KCNH1: variants seen among roughly 807,000 people sequenced by gnomAD.
KCNH1 encodes potassium voltage-gated channel subfamily H member 1.
In KCNH1, 27 loss-of-function variants were observed where a neutral mutation model predicts 69.2. The observed-to-expected ratio is 0.39, with a 90% CI of 0.29 to 0.54. KCNH1 has a LOEUF of 0.54. KCNH1 is among the 20% of genes least tolerant of loss of function. KCNH1 has a pLI of 0.68. For synonymous variants in KCNH1, 456 were observed against 487.7 expected, an observed-to-expected ratio of 0.93 and a Z score of 0.86; for missense variants, 798 against 1,261.6, an observed-to-expected ratio of 0.63 and a Z score of 5.57.
intron 6 of KCNH1, among the ~76,000 whole-genome samples, chr1:210,922,422 C>A (rs1687482592): frequency 1.7e-5 from 2 of 114,692 alleles, no homozygotes; most frequent in Non-Finnish European, 3.8e-5. Flanking sequence ...AAAAAAAAAA[C>A]CTGACAAGTT....
intron 5 of KCNH1, among the ~76,000 whole-genome samples, chr1:211,055,187 C>T (rs1286126795): frequency 6.6e-6 from 1 of 152,126 alleles, no homozygotes; most frequent in Non-Finnish European, 1.5e-5. Flanking sequence ...CTGTAAATTG[C>T]CTATACCACC....
intron 1 of KCNH1, among the ~76,000 whole-genome samples, chr1:211,123,043 T>C (rs1403940602): frequency 6.6e-6 from 1 of 152,196 alleles, no homozygotes; most frequent in East Asian, 1.9e-4. Context: ...AACAGCTTTG[T>C]TTAATACAAC....
chr1:210,773,583 C>T (rs561149061), intron 10 of KCNH1, among the ~76,000 whole-genome samples: 1 of 152,288 alleles, frequency 6.6e-6, no homozygotes, highest in East Asian at 1.9e-4. Flanking sequence ...AGGGTTGTTT[C>T]CTTTCTCCAG....
intron 5 of KCNH1, among the ~76,000 whole-genome samples, chr1:211,055,941 G>A (rs1690296017): frequency 6.6e-6 from 1 of 152,204 alleles, no homozygotes; most frequent in Non-Finnish European, 1.5e-5. Flanking sequence ...CCAGGCCTTG[G>A]GTAAGAGTCA....
Position 211,079,405 on chromosome 1 carries a change from C to G in KCNH1, c.558+3375G>C, listed in dbSNP as rs148466114. On this transcript the variant is annotated intron_variant, in intron 5 of 10. Transcript: ENST00000271751. ...CCAGAGCTACAAAGAGGAGCTGGTA[C>G]CATTCCTTCTGAAACTATTCCAATC... 8.1e-3 allele frequency among the ~76,000 whole-genome samples: 1,237 copies of G among 152,308 alleles called. 23 individuals carry two copies. Among genetic ancestry groups the G allele is most frequent in the African/African-American group, 0.029 (1,190 of 41,550 alleles).
Position 211,067,445 on chromosome 1 carries a change from C to G in KCNH1, c.558+15335G>C, listed in dbSNP as rs370479178. Among the ~76,000 whole-genome samples the G allele has an allele frequency of 3.7e-4, 57 of 152,250 alleles. No homozygotes were observed. The South Asian group carries it at 0.011, about 30-fold the overall frequency. On this transcript the variant is annotated intron_variant, in intron 5 of 10. Transcript: ENST00000271751. ...CCCTATATGGGACTTATCTAGCTGG[C>G]AATCTTTGCTGGTGGCCTTCCTGTC... is the stretch of plus-strand genomic sequence containing the variant.
Position 211,037,958 on chromosome 1 carries a change from C to CTT in KCNH1, c.559-18704_559-18703dup, listed in dbSNP as rs749586546. Among the ~76,000 whole-genome samples, 523 of 123,090 alleles carry CTT rather than the reference C, an allele frequency of 4.2e-3. 13 individuals are homozygous for CTT. Among genetic ancestry groups the CTT allele is most frequent in the East Asian group, 0.01 (41 of 4,080 alleles). 80.8% of individuals were successfully genotyped at this position (123,090 alleles called of 152,430 possible). A position where few individuals can be genotyped will look rare whatever the true frequency, so the allele number is the denominator to read the frequency against. ...GGGGTTTCCACTTTTGCTTCTCCCT[C>CTT]TTTTTTTTTTTTTTTTTTTGAGATG... is the stretch of plus-strand genomic sequence containing the variant. On this transcript the variant is annotated intron_variant, in intron 5 of 10. Coordinates refer to ENST00000271751, the MANE Select transcript of KCNH1 (RefSeq NM_172362.3).
At chr1:210,884,152 G>A (rs1686553343) in intron 7 of KCNH1, among the ~76,000 whole-genome samples, 1 of 152,146 alleles carries the variant, frequency 6.6e-6, no homozygotes, top group African/African-American at 2.4e-5. Context: ...ATAGAGCCAT[G>A]GTCATTACCC....
chr1:210,908,350 C>G (rs1558520684), intron 7 of KCNH1, among the ~76,000 whole-genome samples: 1 of 152,210 alleles, frequency 6.6e-6, no homozygotes, highest in Non-Finnish European at 1.5e-5. Flanking sequence ...AATCCTGCTT[C>G]CCTTCCACTT....
chr1:210,705,865 G>T (rs1181793449), intron 10 of KCNH1, among the ~76,000 whole-genome samples: 1 of 152,060 alleles, frequency 6.6e-6, no homozygotes, highest in Admixed American at 6.6e-5. Context: ...ATCCCACTCT[G>T]CTTCTACACC....
chr1:210,752,203 G>A (rs1007261362), intron 10 of KCNH1, among the ~76,000 whole-genome samples: 1 of 152,190 alleles, frequency 6.6e-6, no homozygotes, highest in Non-Finnish European at 1.5e-5. Context: ...AGGAATCATC[G>A]AAGATTTTAG....
At position 211,033,206 on chromosome 1, in the gene KCNH1, A is replaced by G. The variant is rs1689824776; in HGVS notation, c.559-13950T>C. On this transcript the variant is annotated intron_variant, in intron 5 of 10. Coordinates refer to ENST00000271751, the MANE Select transcript of KCNH1 (RefSeq NM_172362.3). ...TTGGAGAAATGCAAATCAAAACCACAATGAGATACCATCTCACACCAGTTA... is the reference window on the plus strand; with the variant it reads ...TTGGAGAAATGCAAATCAAAACCACGATGAGATACCATCTCACACCAGTTA... 2.0e-5 allele frequency among the ~76,000 whole-genome samples: 3 copies of G among 152,364 alleles called. No homozygotes were observed. The South Asian group carries it at 6.2e-4, about 32-fold the overall frequency.
chr1:211,046,395 T>G (rs1355293157), intron 5 of KCNH1, among the ~76,000 whole-genome samples: 1 of 152,180 alleles, frequency 6.6e-6, no homozygotes, highest in Non-Finnish European at 1.5e-5. Flanking sequence ...TGTAATAGCA[T>G]GAAAGTTTCC....
chr1:210,683,187 G>C lies in KCNH1; in HGVS notation c.*94C>G. ...TTTTTCTGTTAGGAAAAGCCTACTTGAAAATTGTTGGTCATGTGGACATAT... is the reference window on the plus strand; with the variant it reads ...TTTTTCTGTTAGGAAAAGCCTACTTCAAAATTGTTGGTCATGTGGACATAT... On this transcript the variant is annotated 3_prime_UTR_variant, in exon 11 of 11. Transcript: ENST00000271751. This position sits in a 1 kb window ranked among gnomAD's most constrained non-coding sequence, Gnocchi z 5.7. 1 of 1,241,594 alleles carries C rather than the reference G, an allele frequency of 8.1e-7. No homozygotes were observed. Among genetic ancestry groups the C allele is most frequent in the Admixed American group, 2.2e-5 (1 of 45,448 alleles). 76.9% of individuals were successfully genotyped at this position (1,241,594 alleles called of 1,614,324 possible).
chr1:210,901,089 A>G (rs1205724607), intron 7 of KCNH1, among the ~76,000 whole-genome samples: 11 of 151,748 alleles, frequency 7.2e-5, no homozygotes, highest in African/African-American at 2.2e-4. Flanking sequence ...CCATAAGCCA[A>G]CTCTCTACTT....
intron 5 of KCNH1, among the ~76,000 whole-genome samples, chr1:211,068,349 C>G (rs540266925): frequency 3.3e-5 from 5 of 152,232 alleles, no homozygotes; most frequent in Admixed American, 2.6e-4. Context: ...GAAGCCATCA[C>G]TCTCTTCTAA....
At chr1:210,871,560 A>C (rs1431671948) in intron 7 of KCNH1, among the ~76,000 whole-genome samples, 6 of 152,108 alleles carry the variant, frequency 3.9e-5, no homozygotes, top group African/African-American at 7.2e-5. Flanking sequence ...GGGTATATAC[A>C]CAAAGGACTA....
At chr1:210,997,450 T>G (rs577208283) in intron 6 of KCNH1, among the ~76,000 whole-genome samples, 37 of 151,938 alleles carry the variant, frequency 2.4e-4, no homozygotes, top group African/African-American at 8.9e-4. Context: ...AGCGAGAAGG[T>G]AAGTTTAGAG....
chr1:210,733,696 G>C (rs1245156721), intron 10 of KCNH1, among the ~76,000 whole-genome samples: 3 of 152,162 alleles, frequency 2.0e-5, no homozygotes, highest in African/African-American at 7.2e-5. Context: ...GACTTTGGTG[G>C]GGAAGGGAGA....
Sources: allele counts gnomAD v4.1 joint callset (sites outside exome capture counted in the v4.1 genomes callset), GRCh38; gene constraint gnomAD v4.1.1; non-coding constraint Gnocchi (gnomAD v3.1); transcripts MANE v1.5; gene names NCBI Gene and HGNC (gene_info 2026-07-23, HGNC 2026-07-21).